The following SGPL1 variants were observed in gnomAD, a reference collection of about 807,000 sequenced individuals.
The protein encoded by SGPL1 is sphingosine-1-phosphate lyase 1.
Under a neutral mutation model 68.9 loss-of-function variants are expected in SGPL1, and 37 were observed. The ratio of observed to expected loss-of-function variants is 0.54; its 90% CI spans 0.41 to 0.71. The LOEUF is 0.71. Ranked by LOEUF, SGPL1 falls within the 30% of genes least tolerant of loss-of-function variation. The probability of loss-of-function intolerance (pLI) is 0.00; values close to 1 mark genes in which losing one functional copy is unlikely to be tolerated. For synonymous variants in SGPL1, 236 were observed against 248.5 expected (o/e 0.95, Z 0.47); for missense variants, 551 against 704.6 (o/e 0.78, Z 2.47).
chr10:70,827,307 A>T (rs1845454606), intron 2 of SGPL1, among the ~76,000 whole-genome samples: 1 of 152,016 alleles, frequency 6.6e-6, no homozygotes, highest in Non-Finnish European at 1.5e-5. Context: ...AACCACTTGG[A>T]TTTTCTGTTT....
At position 70,871,069 on chromosome 10, in the gene SGPL1, A is replaced by G. The variant is rs1846286372; in HGVS notation, c.832A>G (p.Arg278Gly). The change falls in exon 10 of 15, where the codon AGG (arginine) becomes GGG (glycine). Residue 278 changes from arginine (R) to glycine (G), a missense_variant. By Grantham distance (125) the Arg-to-Gly change is moderately radical (BLOSUM62 -2). Coordinates refer to ENST00000373202, the MANE Select transcript of SGPL1 (RefSeq NM_003901.4). ...DVRAMRRAISRNTAMLVCSTP... is the reference protein window; with the variant it reads ...DVRAMRRAISGNTAMLVCSTP... ...CTAGGCAATGAGAAGAGCTATCTCC[A>G]GGAACACTGCCATGCTCGTCTGTTC... 2 of 1,613,778 alleles carry G rather than the reference A, an allele frequency of 1.2e-6. No individual in the cohort carries two copies. The highest frequency in any genetic ancestry group is 1.7e-6 in the Non-Finnish European group (2 of 1,179,746).
At chr10:70,843,017 A>G (rs1311838495) in intron 2 of SGPL1, among the ~76,000 whole-genome samples, 2 of 151,700 alleles carry the variant, frequency 1.3e-5, no homozygotes, top group African/African-American at 4.8e-5. Flanking sequence ...CCATATGCAG[A>G]CTCTTTTTAT....
intron 7 of SGPL1, among the ~76,000 whole-genome samples, chr10:70,863,102 C>T (rs529387794): frequency 2.6e-5 from 4 of 152,226 alleles, no homozygotes; most frequent in Admixed American, 1.3e-4. Context: ...CCTCCCACCT[C>T]AGCCCCCTTG....
At chr10:70,860,430 C>T (rs939923022) in intron 7 of SGPL1, 15 of 467,606 alleles carry the variant, frequency 3.2e-5, no homozygotes, top group African/African-American at 1.4e-4. Flanking sequence ...AATATGTTGG[C>T]GCCATGAAAA....
At chr10:70,836,381 T>C (rs75686247) in intron 2 of SGPL1, among the ~76,000 whole-genome samples, 1 of 152,232 alleles carries the variant, frequency 6.6e-6, no homozygotes, top group African/African-American at 2.4e-5. Flanking sequence ...AATTCAGCTC[T>C]GAGTGTGAAG....
At chr10:70,867,707 T>C (rs1022382139) in intron 7 of SGPL1, among the ~76,000 whole-genome samples, 5 of 152,164 alleles carry the variant, frequency 3.3e-5, no homozygotes, top group Admixed American at 3.3e-4. Flanking sequence ...GACCCCTACG[T>C]CTTTTTGTTT....
At chr10:70,821,529 CA>C (rs780370451) in intron 2 of SGPL1, among the ~76,000 whole-genome samples, 11 of 151,998 alleles carry the variant, frequency 7.2e-5, no homozygotes, top group Non-Finnish European at 1.3e-4. Flanking sequence ...GGTTCTTGAC[CA>C]GGGGCAATTT....
intron 2 of SGPL1, among the ~76,000 whole-genome samples, chr10:70,825,746 C>A (rs1006134407): frequency 6.6e-6 from 1 of 152,150 alleles, no homozygotes; most frequent in Non-Finnish European, 1.5e-5. Flanking sequence ...GGGGTTCTTT[C>A]CACTGTTGGA....
intron 2 of SGPL1, among the ~76,000 whole-genome samples, chr10:70,819,111 AT>A (rs1462257694): frequency 6.6e-6 from 1 of 152,236 alleles, no homozygotes; most frequent in Non-Finnish European, 1.5e-5. Flanking sequence ...GTTATTACTT[AT>A]AGGGCCTATG....
At chr10:70,830,400 A>G (rs1425401936) in intron 2 of SGPL1, among the ~76,000 whole-genome samples, 1 of 152,188 alleles carries the variant, frequency 6.6e-6, no homozygotes, top group Non-Finnish European at 1.5e-5. Context: ...ATATAAATAC[A>G]ATCATACAGT....
At chr10:70,850,308 C>G (rs968372812) in intron 3 of SGPL1, among the ~76,000 whole-genome samples, 11 of 152,188 alleles carry the variant, frequency 7.2e-5, no homozygotes, top group African/African-American at 2.7e-4. Context: ...AGCCACTGTG[C>G]CTGGCCAGCA....
At chr10:70,840,772 A>T (rs945770559) in intron 2 of SGPL1, among the ~76,000 whole-genome samples, 3 of 152,204 alleles carry the variant, frequency 2.0e-5, no homozygotes, top group Non-Finnish European at 2.9e-5. Context: ...TTCTTGCTGA[A>T]TGTAATTTTT....
At position 70,854,842 on chromosome 10, in the gene SGPL1, G is replaced by T. The variant is rs1254659330; in HGVS notation, c.396G>T (p.Glu132Asp). 4 of 1,610,190 alleles carry T rather than the reference G, an allele frequency of 2.5e-6. No homozygotes were observed. The African/African-American group carries it at 4.0e-5, about 16-fold the overall frequency. The change falls in exon 5 of 15, where the codon GAG becomes GAT. Residue 132 changes from glutamate (E) to aspartate (D), a missense_variant. Physicochemically the swap from Glu to Asp is conservative, Grantham distance 45. Transcript: ENST00000373202. ...CTGCTGTTTTGGAGAAACTTAAGGA[G>T]TACAGCTCTATGGGTATGATGCTTG... is the stretch of plus-strand genomic sequence containing the variant. Reference protein sequence around the residue: ...SSSAVLEKLKEYSSMDAFWQE... With the variant: ...SSSAVLEKLKDYSSMDAFWQE...
At position 70,875,382 on chromosome 10, in the gene SGPL1, A is replaced by G; in HGVS notation, c.1299-20A>G. ...GACTGAATTTACTTTTTCTTCCTTCATTTATTTTTTTGTTTTAAGACTGGA... is the reference window on the plus strand; with the variant it reads ...GACTGAATTTACTTTTTCTTCCTTCGTTTATTTTTTTGTTTTAAGACTGGA... On this transcript the variant is annotated intron_variant, in intron 12 of 14. Transcript: ENST00000373202. 7 of 1,536,914 alleles carry G rather than the reference A, an allele frequency of 4.6e-6. No individual in the cohort carries two copies. Among genetic ancestry groups the G allele is most frequent in the Non-Finnish European group, 6.3e-6 (7 of 1,119,616 alleles).
rs1436507911 is a variant in SGPL1, at chr10:70,875,460, C to G, written c.1357C>G (p.Leu453Val). ...FGNPQLSVIA[L>V]GSRDFDIYRL... ...GAATCCCCAATTGTCAGTCATTGCT[C>G]TGGGATCCCGTGATTTTGACATCTA... The change falls in exon 13 of 15, where the codon CTG becomes GTG. Residue 453 changes from leucine to valine, a missense_variant. Transcript: ENST00000373202. The G allele has an allele frequency of 6.2e-7, 1 of 1,612,610 alleles. No homozygotes were observed. The highest frequency in any genetic ancestry group is 8.5e-7 in the Non-Finnish European group (1 of 1,178,726).
intron 4 of SGPL1, among the ~76,000 whole-genome samples, chr10:70,852,706 ATGTGTGTGTG>A (rs35491906): frequency 2.1e-5 from 3 of 145,830 alleles, no homozygotes; most frequent in Non-Finnish European, 4.7e-5. Flanking sequence ...ACATGTGTGT[ATGTGTGTGTG>A]TGTGTGTGTG....
At chr10:70,846,235 C>T (rs573218489) in intron 3 of SGPL1, among the ~76,000 whole-genome samples, 5 of 152,314 alleles carry the variant, frequency 3.3e-5, no homozygotes, top group African/African-American at 1.2e-4. Flanking sequence ...GCTGCATCTG[C>T]TCAATGGTTT....
intron 7 of SGPL1, among the ~76,000 whole-genome samples, chr10:70,863,882 G>A (rs1445135497): frequency 2.0e-5 from 3 of 152,114 alleles, no homozygotes; most frequent in South Asian, 2.1e-4. Context: ...CTTATCTTGG[G>A]CAGTCTCTAA....
chr10:70,852,722 G>GTT (rs1403246247), intron 4 of SGPL1, among the ~76,000 whole-genome samples: 2 of 151,270 alleles, frequency 1.3e-5, no homozygotes, highest in Non-Finnish European at 2.9e-5. Flanking sequence ...GTGTGTGTGT[G>GTT]TGTGTGCGCG....
Sources: gnomAD v4.1 joint callset for allele counts (sites outside exome capture counted in the v4.1 genomes callset) on GRCh38, gnomAD v4.1.1 for gene constraint, MANE v1.5 for transcripts, NCBI Gene and HGNC (gene_info 2026-07-23, HGNC 2026-07-21) for gene names.